LTBP1: variants seen among roughly 807,000 people sequenced by gnomAD.
LTBP1 encodes latent transforming growth factor beta binding protein 1, also known as latent-transforming growth factor beta-binding protein 1.
LTBP1 carries 129 observed loss-of-function variants against 207.6 expected under a neutral mutation model. The observed-to-expected ratio is 0.62, with a 90% CI of 0.54 to 0.72. The LOEUF (loss-of-function observed/expected upper bound fraction) is 0.72, where lower values mean the gene tolerates loss of function less well. Among genes scored for constraint, LTBP1 ranks in the 30% least tolerant of loss-of-function variants. The pLI is 0.00. For synonymous variants in LTBP1, 963 were observed against 833.7 expected (o/e 1.16, Z -2.67); for missense variants, 2,281 against 2,217.2 (o/e 1.03, Z -0.58).
At chr2:33,348,987 A>AT (rs2094742235) in intron 26 of LTBP1, among the ~76,000 whole-genome samples, 1 of 152,164 alleles carries the variant, frequency 6.6e-6, no homozygotes, top group African/African-American at 2.4e-5. Context: ...ATTTTTAAAA[A>AT]ATTTTCTAGC....
chr2:33,259,581 G>A lies in LTBP1; in HGVS notation c.2396-7G>A. Reference sequence around the variant, plus strand: ...GTACTAATACCCTTTTTCTTTTCTGGTTTTAGTGGCAACTGCACCCCCTGA... The same window carrying A: ...GTACTAATACCCTTTTTCTTTTCTGATTTTAGTGGCAACTGCACCCCCTGA... On this transcript the variant is annotated splice_region_variant and splice_polypyrimidine_tract_variant and intron_variant, in intron 12 of 33. Transcript: ENST00000404816. The A allele has an allele frequency of 1.3e-6, 2 of 1,595,342 alleles. No homozygotes were observed.
intron 5 of LTBP1, among the ~76,000 whole-genome samples, chr2:33,176,228 CTATT>C (rs1348666558): frequency 2.0e-5 from 3 of 151,212 alleles, no homozygotes; most frequent in African/African-American, 7.3e-5. Flanking sequence ...ATTAATTAAT[CTATT>C]TATTTATTTT....
At chr2:33,368,831 C>T (rs1287023029) in intron 31 of LTBP1, among the ~76,000 whole-genome samples, 1 of 152,144 alleles carries the variant, frequency 6.6e-6, no homozygotes, top group East Asian at 1.9e-4. Context: ...GGGCCAAGAT[C>T]GCACCACTGC....
chr2:33,309,389 T>A (rs2094147537), intron 22 of LTBP1, 45 bp from the exon 23 acceptor site: 1 of 1,404,416 alleles, frequency 7.1e-7, no homozygotes, highest in Non-Finnish European at 9.8e-7. Flanking sequence ...AATTTTCCGA[T>A]ATGTGATTTA....
At chr2:33,013,026 T>C (rs1366537211) in intron 2 of LTBP1, among the ~76,000 whole-genome samples, 1 of 152,198 alleles carries the variant, frequency 6.6e-6, no homozygotes, top group Non-Finnish European at 1.5e-5. Flanking sequence ...AATACCATAT[T>C]CTACTCAACC....
At chr2:33,267,787 C>T (rs1256920052) in intron 15 of LTBP1, among the ~76,000 whole-genome samples, 8 of 152,144 alleles carry the variant, frequency 5.3e-5, no homozygotes, top group Non-Finnish European at 8.8e-5. Context: ...AATGCAGTTT[C>T]AACATTTAAA....
chr2:33,314,504 A>G lies in LTBP1; in HGVS notation c.3605-640A>G, dbSNP rs560693495. ...TTTGAGACTGCAGTGAGCCATGATC[A>G]TGCACTGCACTGCAGCCTGGGCAAA... On this transcript the variant is annotated intron_variant, in intron 23 of 33. Coordinates refer to ENST00000404816, the MANE Select transcript of LTBP1 (RefSeq NM_206943.4). Among the ~76,000 whole-genome samples, 333 of 152,318 alleles carry G rather than the reference A, an allele frequency of 2.2e-3. 2 individuals carry two copies. The highest frequency in any genetic ancestry group is 7.7e-3 in the African/African-American group (321 of 41,580).
intron 26 of LTBP1, among the ~76,000 whole-genome samples, chr2:33,357,869 C>A (rs1320766658): frequency 2.0e-5 from 3 of 152,170 alleles, no homozygotes; most frequent in Non-Finnish European, 4.4e-5. Flanking sequence ...TTGCCACTTT[C>A]TATAGCTATT....
chr2:33,246,202 G>A (rs1470956810), intron 10 of LTBP1, among the ~76,000 whole-genome samples: 1 of 152,204 alleles, frequency 6.6e-6, no homozygotes, highest in Non-Finnish European at 1.5e-5. Context: ...CTCTTTACCA[G>A]TGTTGAGTGA....
In LTBP1 at chr2:33,360,629, G is replaced by A; in HGVS notation, c.4033G>A (p.Glu1345Lys). 1 of 1,613,752 alleles carries A rather than the reference G, an allele frequency of 6.2e-7. No homozygotes were observed. The highest frequency in any genetic ancestry group is 8.5e-7 in the Non-Finnish European group (1 of 1,179,726). The change falls in exon 27 of 34, where the codon GAA becomes AAA. Residue 1345 changes from glutamate (E) to lysine (K), a missense_variant. Physicochemically the swap from Glu to Lys is moderately conservative, Grantham distance 56. Transcript: ENST00000404816. Reference protein sequence around the residue: ...LDVDVDQPKEEKKECYYNLND... With the variant: ...LDVDVDQPKEKKKECYYNLND... The stretch of plus-strand genomic sequence containing the variant: ...TGTAGATGTAGATCAACCCAAAGAA[G>A]AAAAGAAAGAATGCTACTATAATCT...
intron 3 of LTBP1, among the ~76,000 whole-genome samples, chr2:33,055,327 C>T (rs766314852): frequency 5.9e-5 from 9 of 152,124 alleles, no homozygotes; most frequent in African/African-American, 1.4e-4. Context: ...CATAGCCACT[C>T]GAGGAAGGCA....
chr2:33,147,375 G>A (rs1037940086), intron 5 of LTBP1, among the ~76,000 whole-genome samples: 1 of 152,130 alleles, frequency 6.6e-6, no homozygotes, highest in African/African-American at 2.4e-5. Context: ...AGAATTCTGG[G>A]TAGAGCCTGA....
chr2:33,393,085 T>C (rs1438627699), intron 32 of LTBP1, among the ~76,000 whole-genome samples: 1 of 152,002 alleles, frequency 6.6e-6, no homozygotes, highest in East Asian at 1.9e-4. Flanking sequence ...GGGGTACATA[T>C]AAAGGTTTGT....
intron 31 of LTBP1, among the ~76,000 whole-genome samples, chr2:33,367,655 C>T (rs1291130542): frequency 1.3e-5 from 2 of 152,130 alleles, no homozygotes; most frequent in South Asian, 2.1e-4. Flanking sequence ...CCTCCAGTTC[C>T]GCCCATGTTG....
At chr2:33,138,696 G>A (rs2082339881) in intron 5 of LTBP1, among the ~76,000 whole-genome samples, 1 of 152,082 alleles carries the variant, frequency 6.6e-6, no homozygotes, top group Admixed American at 6.5e-5. Context: ...CAGTAATACT[G>A]TCACTTGGTA....
chr2:33,222,240 C>T, intron 9 of LTBP1, 89 bp downstream of exon 9: 1 of 898,034 alleles, frequency 1.1e-6, no homozygotes, highest in South Asian at 1.4e-5. Context: ...TGCTCATTCG[C>T]CCAGCCTGTC....
chr2:33,216,021 G>A (rs1276016489), intron 7 of LTBP1, among the ~76,000 whole-genome samples: 1 of 152,078 alleles, frequency 6.6e-6, no homozygotes, highest in Non-Finnish European at 1.5e-5. Context: ...CCCCTCCATT[G>A]GTTTTCACAT....
rs572869174 is a variant in LTBP1, at chr2:33,129,287, G to A, written c.1034-5506G>A. Among the ~76,000 whole-genome samples, 11 of 152,228 alleles carry A rather than the reference G, an allele frequency of 7.2e-5. No individual in the cohort carries two copies. The East Asian group carries it at 9.6e-4, about 13-fold the overall frequency. On this transcript the variant is annotated intron_variant, in intron 4 of 33. Transcript: ENST00000404816. ...GCATACTTCTTCAGTTTAGGGATGC[G>A]GAACACCCAGAAAAGTTCAGGACAG...
intron 32 of LTBP1, among the ~76,000 whole-genome samples, chr2:33,396,273 A>AC (rs2095357436): frequency 6.6e-6 from 1 of 151,686 alleles, no homozygotes; most frequent in Admixed American, 6.6e-5. Flanking sequence ...CTCAGGCTGG[A>AC]CAGTGGCCGT....
Sources: gnomAD v4.1 joint callset for allele counts (sites outside exome capture counted in the v4.1 genomes callset) on GRCh38, gnomAD v4.1.1 for gene constraint, MANE v1.5 for transcripts, NCBI Gene and HGNC (gene_info 2026-07-23, HGNC 2026-07-21) for gene names.